The following NRG3 variants were observed in gnomAD, a reference collection of about 807,000 sequenced individuals.
NRG3 encodes the protein pro-neuregulin-3, membrane-bound isoform.
Under a neutral mutation model 66.9 loss-of-function variants are expected in NRG3, and 31 were observed. The observed-to-expected ratio is 0.46, with a 90% CI of 0.35 to 0.63. The LOEUF (loss-of-function observed/expected upper bound fraction) is 0.63. NRG3 is among the 20% of genes least tolerant of loss of function. NRG3 has a pLI of 0.00. For synonymous variants in NRG3, 393 were observed against 359.4 expected (o/e 1.09, Z -1.06); for missense variants, 910 against 878.9 (o/e 1.04, Z -0.45).
chr10:81,880,522 G>T (rs889753428), intron 1 of NRG3, among the ~76,000 whole-genome samples: 33 of 152,308 alleles, frequency 2.2e-4, no homozygotes, highest in Admixed American at 1.0e-3. Context: ...CTTCCTGGGA[G>T]ATCCAGGATG....
At chr10:81,989,820 A>G in intron 1 of NRG3, among the ~76,000 whole-genome samples, 1 of 151,920 alleles carries the variant, frequency 6.6e-6, no homozygotes, top group East Asian at 1.9e-4. Flanking sequence ...GAAAAATGCG[A>G]CTCTGGAGAT....
intron 4 of NRG3, among the ~76,000 whole-genome samples, chr10:82,875,556 C>T (rs950924831): frequency 9.2e-5 from 14 of 152,096 alleles, no homozygotes; most frequent in African/African-American, 3.4e-4. Flanking sequence ...TGAGGCTTCT[C>T]TATGTTGCCA....
chr10:81,949,208 A>G (rs1849111601), intron 1 of NRG3, among the ~76,000 whole-genome samples: 1 of 152,154 alleles, frequency 6.6e-6, no homozygotes, highest in South Asian at 2.1e-4. Flanking sequence ...CTCAGGCTGA[A>G]TCATACTGTT....
chr10:82,891,554 G>T (rs1843148330), intron 4 of NRG3, among the ~76,000 whole-genome samples: 1 of 151,804 alleles, frequency 6.6e-6, no homozygotes. Flanking sequence ...TATTGTAGAT[G>T]ATATGAATTT....
intron 1 of NRG3, among the ~76,000 whole-genome samples, chr10:82,267,685 A>T (rs1307570971): frequency 6.6e-6 from 1 of 152,180 alleles, no homozygotes; most frequent in Non-Finnish European, 1.5e-5. Flanking sequence ...TTTACCACTG[A>T]TGTGTTAGTT....
chr10:82,630,605 G>T (rs2049758909), intron 2 of NRG3, among the ~76,000 whole-genome samples: 1 of 151,902 alleles, frequency 6.6e-6, no homozygotes, highest in South Asian at 2.1e-4. Context: ...TTGAACCTGG[G>T]AGGCGAAGGT....
chr10:82,444,158 A>G (rs1248149247), intron 2 of NRG3, among the ~76,000 whole-genome samples: 1 of 152,192 alleles, frequency 6.6e-6, no homozygotes, highest in Non-Finnish European at 1.5e-5. Flanking sequence ...GCTGGAGTGC[A>G]GTGGCACAAT....
intron 2 of NRG3, among the ~76,000 whole-genome samples, chr10:82,588,584 GCT>G (rs2046807115): frequency 6.6e-6 from 1 of 151,806 alleles, no homozygotes; most frequent in Middle Eastern, 3.2e-3. Context: ...CTTACTGCAA[GCT>G]CCGCCTCCCG....
chr10:82,413,870 G>T (rs1314000311), intron 2 of NRG3, among the ~76,000 whole-genome samples: 2 of 151,994 alleles, frequency 1.3e-5, no homozygotes, highest in African/African-American at 4.8e-5. Flanking sequence ...CACCTCTCTC[G>T]GCCTTCATAG....
intron 2 of NRG3, among the ~76,000 whole-genome samples, chr10:82,479,049 A>G (rs1842017913): frequency 6.6e-6 from 1 of 152,318 alleles, no homozygotes; most frequent in East Asian, 1.9e-4. Flanking sequence ...GATATCCACT[A>G]TCCAATTTAA....
rs17101023 is a variant in NRG3, at chr10:82,888,428, G to A, written c.1054+22991G>A. 7.3e-3 allele frequency among the ~76,000 whole-genome samples: 1,117 copies of A among 152,190 alleles called. 14 individuals are homozygous for A. The highest frequency in any genetic ancestry group is 0.022 in the African/African-American group (900 of 41,516). On this transcript the variant is annotated intron_variant, in intron 4 of 8. Coordinates refer to ENST00000372141, the MANE Select transcript of NRG3 (RefSeq NM_001010848.4). ...ATCCATTGACTTGAAAATGTGCCTC[G>A]TGAAGCTCCAAGGGAGAAATGGAAT... is the stretch of plus-strand genomic sequence containing the variant.
chr10:82,599,668 G>T (rs980803896), intron 2 of NRG3, among the ~76,000 whole-genome samples: 5 of 151,946 alleles, frequency 3.3e-5, no homozygotes, highest in Admixed American at 6.6e-5. Flanking sequence ...ACAAAAAATA[G>T]TCGGGCGTGG....
At chr10:82,050,353 A>G (rs1383073149) in intron 1 of NRG3, among the ~76,000 whole-genome samples, 1 of 151,690 alleles carries the variant, frequency 6.6e-6, no homozygotes, top group Middle Eastern at 3.2e-3. Flanking sequence ...ATATTTTATT[A>G]TAAACCACAG....
intron 2 of NRG3, among the ~76,000 whole-genome samples, chr10:82,413,211 T>G (rs2088247865): frequency 6.6e-6 from 1 of 152,182 alleles, no homozygotes; most frequent in African/African-American, 2.4e-5. Context: ...ATTTCTTAGA[T>G]AATAAAATTT....
At chr10:82,376,818 T>C (rs1022691121) in intron 2 of NRG3, among the ~76,000 whole-genome samples, 1 of 152,224 alleles carries the variant, frequency 6.6e-6, no homozygotes, top group African/African-American at 2.4e-5. Flanking sequence ...CTTTTCATTC[T>C]CCCTCTTCCT....
chr10:82,097,375 C>CACAG (rs2066409951), intron 1 of NRG3, among the ~76,000 whole-genome samples: 1 of 139,230 alleles, frequency 7.2e-6, no homozygotes, highest in Non-Finnish European at 1.5e-5. Flanking sequence ...TGGTTACACA[C>CACAG]ACACACACAC....
chr10:82,195,611 C>G (rs1339026616), intron 1 of NRG3, among the ~76,000 whole-genome samples: 1 of 152,078 alleles, frequency 6.6e-6, no homozygotes, highest in Non-Finnish European at 1.5e-5. Flanking sequence ...ATCACCTGCA[C>G]CACAGATACC....
At chr10:82,578,781 A>T (rs933150195) in intron 2 of NRG3, among the ~76,000 whole-genome samples, 35 of 151,886 alleles carry the variant, frequency 2.3e-4, no homozygotes, top group African/African-American at 8.2e-4. Flanking sequence ...CCTGTGAGAT[A>T]GGTATGATTA....
chr10:82,863,671 A>G (rs1462065408), intron 3 of NRG3, among the ~76,000 whole-genome samples: 5 of 151,982 alleles, frequency 3.3e-5, no homozygotes, highest in East Asian at 3.9e-4. Flanking sequence ...TGAGAAGTCT[A>G]TTTATATCCT....
Sources: allele counts gnomAD v4.1 joint callset (sites outside exome capture counted in the v4.1 genomes callset), GRCh38; gene constraint gnomAD v4.1.1; transcripts MANE v1.5; gene names NCBI Gene and HGNC (gene_info 2026-07-23, HGNC 2026-07-21).